The following ANKRD17 variants were observed in gnomAD, a reference collection of about 807,000 sequenced individuals.
The protein encoded by ANKRD17 is ankyrin repeat domain 17.
A neutral mutation model predicts 229.7 loss-of-function variants in ANKRD17; 19 were observed. The ratio of observed to expected loss-of-function variants is 0.08; its 90% CI spans 0.06 to 0.12. The LOEUF is 0.12. Ranked by LOEUF, ANKRD17 falls within the 10% of genes least tolerant of loss-of-function variation. The pLI is 1.00. For synonymous variants in ANKRD17, 1,112 were observed against 1,146.1 expected (o/e 0.97, Z 0.60); for missense variants, 2,176 against 3,176.8 (o/e 0.68, Z 7.57).
At chr4:73,205,191 T>C (rs1185304078) in intron 1 of ANKRD17, among the ~76,000 whole-genome samples, 1 of 152,036 alleles carries the variant, frequency 6.6e-6, no homozygotes, top group Non-Finnish European at 1.5e-5. Context: ...CCAAGTGTGG[T>C]GGCACACAGC....
At chr4:73,149,740 A>C (rs1730752066) in intron 7 of ANKRD17, among the ~76,000 whole-genome samples, 2 of 151,962 alleles carry the variant, frequency 1.3e-5, no homozygotes, top group Admixed American at 1.3e-4. Context: ...GGTGGTGTGC[A>C]CTTCGTCCCA....
chr4:73,254,010 T>A (rs1012598106), intron 1 of ANKRD17, among the ~76,000 whole-genome samples: 1 of 152,204 alleles, frequency 6.6e-6, no homozygotes, highest in African/African-American at 2.4e-5. Context: ...AAATTATAAT[T>A]AAGACAGACT....
intron 1 of ANKRD17, among the ~76,000 whole-genome samples, chr4:73,179,428 ATGTG>A (rs1272872157): frequency 1.0e-3 from 142 of 139,596 alleles, no homozygotes; most frequent in Non-Finnish European, 1.7e-3. Context: ...GTGTGCATAT[ATGTG>A]TGTGTGTATA....
intron 16 of ANKRD17, among the ~76,000 whole-genome samples, chr4:73,129,033 T>C (rs568165591): frequency 2.6e-5 from 4 of 152,322 alleles, no homozygotes; most frequent in African/African-American, 9.6e-5. Flanking sequence ...TCAAATTATA[T>C]TGCACAAAGT....
chr4:73,086,374 AT>A (rs988700208), intron 29 of ANKRD17, among the ~76,000 whole-genome samples: 4 of 151,374 alleles, frequency 2.6e-5, no homozygotes, highest in African/African-American at 7.3e-5. Context: ...TTTAGATAAC[AT>A]TTTTTTTTAA....
intron 29 of ANKRD17, among the ~76,000 whole-genome samples, chr4:73,086,921 T>A (rs1339936542): frequency 0.078 from 1,852 of 23,800 alleles, 56 homozygotes; most frequent in Non-Finnish European, 0.09. Context: ...AAAAAAAAAA[T>A]ATATATATAT....
chr4:73,138,715 T>C (rs1729223148), intron 15 of ANKRD17, among the ~76,000 whole-genome samples: 1 of 152,134 alleles, frequency 6.6e-6, no homozygotes, highest in Admixed American at 6.6e-5. Flanking sequence ...CAAATTATCC[T>C]TCTCAGTACA....
chr4:73,214,767 C>A (rs1395750548), intron 1 of ANKRD17, among the ~76,000 whole-genome samples: 9 of 149,810 alleles, frequency 6.0e-5, no homozygotes, highest in African/African-American at 2.2e-4. Context: ...GCTTTAGGAG[C>A]CTGAGACTCC....
chr4:73,238,575 G>C (rs1743727285), intron 1 of ANKRD17, among the ~76,000 whole-genome samples: 1 of 152,048 alleles, frequency 6.6e-6, no homozygotes, highest in Non-Finnish European at 1.5e-5. Flanking sequence ...GTGTTTTGGA[G>C]TAAGGAGGTC....
intron 1 of ANKRD17, among the ~76,000 whole-genome samples, chr4:73,204,279 T>C (rs1739129589): frequency 7.0e-6 from 1 of 142,672 alleles, no homozygotes; most frequent in Admixed American, 7.6e-5. Context: ...GAGAATGGCG[T>C]GAACCCGAGA....
intron 1 of ANKRD17, among the ~76,000 whole-genome samples, chr4:73,240,092 A>T (rs1256122783): frequency 6.6e-6 from 1 of 152,194 alleles, no homozygotes; most frequent in Non-Finnish European, 1.5e-5. Context: ...AGAGAACTAC[A>T]CAACAGTCAT....
At chr4:73,192,691 A>G (rs1313904521) in intron 1 of ANKRD17, among the ~76,000 whole-genome samples, 1 of 152,188 alleles carries the variant, frequency 6.6e-6, no homozygotes, top group African/African-American at 2.4e-5. Flanking sequence ...ATTCTGAAAG[A>G]GCTATCATAA....
intron 1 of ANKRD17, among the ~76,000 whole-genome samples, chr4:73,221,720 A>C (rs1030535772): frequency 1.3e-5 from 2 of 152,216 alleles, no homozygotes; most frequent in African/African-American, 4.8e-5. Flanking sequence ...CAAAGTAAAA[A>C]ATAAAAGAGA....
chr4:73,086,941 T>A lies in ANKRD17; in HGVS notation c.6962-1495A>T, dbSNP rs1373503137. 8.5e-5 allele frequency among the ~76,000 whole-genome samples: 7 copies of A among 82,436 alleles called. 2 individuals carry two copies. Among genetic ancestry groups the A allele is most frequent in the East Asian group, 7.3e-4 (2 of 2,752 alleles). 54.1% of individuals were successfully genotyped at this position (82,436 alleles called of 152,430 possible). ...AAAAATATATATATATATATATATA[T>A]ATATATATATATCTGTAGGATTTTA... On this transcript the variant is annotated intron_variant, in intron 29 of 33. Coordinates refer to ENST00000358602, the MANE Select transcript of ANKRD17 (RefSeq NM_032217.5).
intron 1 of ANKRD17, among the ~76,000 whole-genome samples, chr4:73,246,924 T>C (rs1343807915): frequency 6.6e-6 from 1 of 152,150 alleles, no homozygotes; most frequent in Non-Finnish European, 1.5e-5. Context: ...TTTCTAAGAA[T>C]TGTTAAATAC....
chr4:73,242,382 C>T (rs1744119229), intron 1 of ANKRD17, among the ~76,000 whole-genome samples: 1 of 151,924 alleles, frequency 6.6e-6, no homozygotes, highest in African/African-American at 2.4e-5. Flanking sequence ...GCAGGAAGAA[C>T]TATAAAATAA....
Position 73,258,606 on chromosome 4 carries a change from C to G in ANKRD17, c.63G>C (p.Pro21=), listed in dbSNP as rs990173872. Residue 21 remains proline (P), a synonymous_variant, in exon 1 of 34, where the codon CCG becomes CCC. Coordinates refer to ENST00000358602, the MANE Select transcript of ANKRD17 (RefSeq NM_032217.5). ...GGGGGCCCGCCACAGCCGCCACCGC[C>G]GGGGGGCTCCCTTCTCCTTCTGCAG... The part of the protein sequence containing the change: ...ATAAEGEGSP[P]AVAAVAGPPA... 4.1e-6 allele frequency: 6 copies of G among 1,477,888 alleles called. No homozygotes were observed. The highest frequency in any genetic ancestry group is 5.3e-6 in the Non-Finnish European group (6 of 1,124,570). 91.5% of individuals were successfully genotyped at this position (1,477,888 alleles called of 1,614,324 possible).
intron 1 of ANKRD17, among the ~76,000 whole-genome samples, chr4:73,229,526 A>G (rs1370243926): frequency 2.6e-5 from 4 of 151,892 alleles, no homozygotes; most frequent in Admixed American, 2.0e-4. Flanking sequence ...CCTCTCATCT[A>G]ACTTCAAAAA....
At chr4:73,157,886 G>A (rs1414722988) in intron 3 of ANKRD17, among the ~76,000 whole-genome samples, 3 of 151,986 alleles carry the variant, frequency 2.0e-5, no homozygotes, top group South Asian at 2.1e-4. Context: ...TCAGGAGATC[G>A]AGACCATCCT....
Sources: allele counts gnomAD v4.1 joint callset (sites outside exome capture counted in the v4.1 genomes callset), GRCh38; gene constraint gnomAD v4.1.1; transcripts MANE v1.5; gene names NCBI Gene and HGNC (gene_info 2026-07-23, HGNC 2026-07-21).